The following ARHGEF40 variants were observed in gnomAD, a reference collection of about 807,000 sequenced individuals.
ARHGEF40 encodes Rho guanine nucleotide exchange factor (GEF) 40.
Under a neutral mutation model 165.9 loss-of-function variants are expected in ARHGEF40, and 98 were observed. The observed-to-expected ratio is 0.59, with a 90% CI of 0.50 to 0.70. The LOEUF is 0.70. Among genes scored for constraint, ARHGEF40 ranks in the 30% least tolerant of loss-of-function variants. ARHGEF40 has a pLI of 0.00. For synonymous variants in ARHGEF40, 792 were observed against 814.3 expected (o/e 0.97, Z 0.47); for missense variants, 1,815 against 1,968.0 (o/e 0.92, Z 1.47).
chr14:21,073,163 GGGA>G lies in ARHGEF40; in HGVS notation c.126_128del (p.Glu42del). On this transcript the variant is annotated inframe_deletion, in exon 2 of 24. Coordinates refer to ENST00000298694, the MANE Select transcript of ARHGEF40 (RefSeq NM_018071.5). The surrounding 1 kb of genome is among the most constrained non-coding windows in gnomAD (Gnocchi z 4.6). ...TTCCAGGTGGTGGAGAGGACTTATC[GGGA>G]GGACGCACTGAGGTACACGCTGGAC... is the stretch of plus-strand genomic sequence containing the variant. 1 of 1,614,064 alleles carries G rather than the reference GGGA, an allele frequency of 6.2e-7. No individual in the cohort carries two copies. Among genetic ancestry groups the G allele is most frequent in the Non-Finnish European group, 8.5e-7 (1 of 1,180,010 alleles).
rs754364408 is a variant in ARHGEF40, at chr14:21,083,865, C to A, written c.3604C>A (p.Arg1202=). 1 of 1,613,910 alleles carries A rather than the reference C, an allele frequency of 6.2e-7. No homozygotes were observed. The highest frequency in any genetic ancestry group is 8.5e-7 in the Non-Finnish European group (1 of 1,180,016). The change falls in exon 17 of 24, where the codon CGA becomes AGA. Residue 1202 remains arginine, a synonymous_variant. Coordinates refer to ENST00000298694, the MANE Select transcript of ARHGEF40 (RefSeq NM_018071.5). ...GSMEAGPYLP[R]ALQQPLEQLT... ...CATGGAGGCTGGCCCTTACCTGCCC[C>A]GAGCCCTGCAGCAGCCTCTGGAACA...
Position 21,087,007 on chromosome 14 carries a change from G to T in ARHGEF40, c.4145G>T (p.Arg1382Leu). The T allele has an allele frequency of 6.3e-7, 1 of 1,598,984 alleles. No homozygotes were observed. The highest frequency in any genetic ancestry group is 2.2e-5 in the East Asian group (1 of 44,522). ...AAGTGTCCCTATTCCCCAGAGCTCCGAGTGCAGCAGATGGTGTCCATGGGC... is the reference window on the plus strand; with the variant it reads ...AAGTGTCCCTATTCCCCAGAGCTCCTAGTGCAGCAGATGGTGTCCATGGGC... Reference protein sequence around the residue: ...WRQAAHNKELRVQQMVSMGIG... With the variant: ...WRQAAHNKELLVQQMVSMGIG... Residue 1382 changes from arginine to leucine, a missense_variant, in exon 20 of 24, where the codon CGA becomes CTA. Coordinates refer to ENST00000298694, the MANE Select transcript of ARHGEF40 (RefSeq NM_018071.5).
Position 21,085,792 on chromosome 14 carries a change from C to T in ARHGEF40, c.4064C>T (p.Thr1355Ile), listed in dbSNP as rs550734497. 8 of 1,614,194 alleles carry T rather than the reference C, an allele frequency of 5.0e-6. No homozygotes were observed. The Admixed American group carries it at 6.7e-5, about 13-fold the overall frequency. ...CGAGAGGCATACACTCTGCAGGCAACCTCACCAGAGATCAAACTCAAGTGG... is the reference window on the plus strand; with the variant it reads ...CGAGAGGCATACACTCTGCAGGCAATCTCACCAGAGATCAAACTCAAGTGG... ...RAREAYTLQA[T>I]SPEIKLKWTS... Residue 1355 changes from threonine (T) to isoleucine (I), a missense_variant, in exon 19 of 24, where the codon ACC becomes ATC. By Grantham distance (89) the Thr-to-Ile change is moderately conservative (BLOSUM62 -1). Coordinates refer to ENST00000298694, the MANE Select transcript of ARHGEF40 (RefSeq NM_018071.5).
In ARHGEF40 at chr14:21,070,383, C is replaced by T; in HGVS notation, c.-14C>T. 1.4e-6 allele frequency: 2 copies of T among 1,410,576 alleles called. No individual in the cohort carries two copies. Among genetic ancestry groups the T allele is most frequent in the South Asian group, 1.5e-5 (1 of 65,612 alleles). The allele number at this position is 1,410,576 out of a possible 1,614,324, so 87.4% of individuals were successfully genotyped here. On this transcript the variant is annotated 5_prime_UTR_variant, in exon 1 of 24. Coordinates refer to ENST00000298694, the MANE Select transcript of ARHGEF40 (RefSeq NM_018071.5). This position sits in a 1 kb window ranked among gnomAD's most constrained non-coding sequence, Gnocchi z 4.7. ...CCGCCCGACCAAGCGTCGGACGCGG[C>T]CCGGCGCCGAGCCATGGTGAGTCCA...
intron 21 of ARHGEF40, 118 bp downstream of exon 21, chr14:21,087,581 T>G (rs941127663): frequency 1.0e-5 from 14 of 1,403,034 alleles, no homozygotes; most frequent in Non-Finnish European, 1.2e-5. Flanking sequence ...ATGACAACTA[T>G]GTACAGCTTC....
upstream of ARHGEF40, among the ~76,000 whole-genome samples, chr14:21,068,266 TG>T (rs1255682821): frequency 3.2e-4 from 4 of 12,322 alleles, 2 homozygotes; most frequent in Admixed American, 0.01. Flanking sequence ...CCCAAAGTGC[TG>T]GGATTACAGG....
Position 21,085,756 on chromosome 14 carries a change from G to C in ARHGEF40, c.4028G>C (p.Arg1343Pro). The change falls in exon 19 of 24, where the codon CGG (arginine) becomes CCG (proline). Residue 1343 changes from arginine to proline, a missense_variant. Physicochemically the swap from Arg to Pro is moderately radical, Grantham distance 103. Transcript: ENST00000298694. Reference sequence around the variant, plus strand: ...CTCTGCTTTGAGTTGTGGTTTCGGCGGCGGCGTGCACGAGAGGCATACACT... The same window carrying C: ...CTCTGCTTTGAGTTGTGGTTTCGGCCGCGGCGTGCACGAGAGGCATACACT... The part of the protein sequence containing the change: ...SGLCFELWFR[R>P]RRAREAYTLQ... 1 of 1,614,186 alleles carries C rather than the reference G, an allele frequency of 6.2e-7. No homozygotes were observed. The highest frequency in any genetic ancestry group is 1.1e-5 in the South Asian group (1 of 91,086).
upstream of ARHGEF40, among the ~76,000 whole-genome samples, chr14:21,068,039 G>T (rs868629222): frequency 3.1e-4 from 3 of 9,624 alleles, no homozygotes; most frequent in African/African-American, 4.5e-4. Flanking sequence ...TCGCTCTGTC[G>T]CCCAGGCTGG....
chr14:21,069,061 G>A (rs1566515555), upstream of ARHGEF40, among the ~76,000 whole-genome samples: 1 of 152,204 alleles, frequency 6.6e-6, no homozygotes, highest in African/African-American at 2.4e-5. Context: ...CCCCTCCGGG[G>A]ACTATTCGGC....
chr14:21,063,931 C>T, the ARHGEF40 span, among the ~76,000 whole-genome samples: 2,985 of 152,302 alleles, frequency 0.02, 104 homozygotes, highest in African/African-American at 0.068. Context: ...AACTCCCTTA[C>T]ATAGAACCGA....
At position 21,089,328 on chromosome 14, in the gene ARHGEF40, C is replaced by T. The variant is rs144883695; in HGVS notation, c.*320C>T. On this transcript the variant is annotated 3_prime_UTR_variant, in exon 24 of 24. Transcript: ENST00000298694. ...GACATCACTCCCATGCCAGCCCTCC[C>T]TGGCAGCCCATGTTCTCCTCTTTTC... The T allele has an allele frequency of 5.2e-4, 81 of 156,718 alleles. 2 individuals are homozygous for T. In the East Asian group the frequency reaches 6.7e-3, roughly 13 times the overall value. 9.7% of individuals were successfully genotyped at this position (156,718 alleles called of 1,614,324 possible).
At chr14:21,068,892 A>G (rs1886444842), upstream of ARHGEF40, among the ~76,000 whole-genome samples, 1 of 152,256 alleles carries the variant, frequency 6.6e-6, no homozygotes, top group Non-Finnish European at 1.5e-5. Flanking sequence ...GTTAGCGTCC[A>G]GAGGAGGTGA....
chr14:21,063,640 T>G, the ARHGEF40 span, among the ~76,000 whole-genome samples: 1 of 152,186 alleles, frequency 6.6e-6, no homozygotes, highest in Non-Finnish European at 1.5e-5. Flanking sequence ...AATTCCTAGA[T>G]TGTCTGCTCC....
chr14:21,065,857 G>A (rs1886234728), upstream of ARHGEF40, among the ~76,000 whole-genome samples: 1 of 152,222 alleles, frequency 6.6e-6, no homozygotes, highest in Non-Finnish European at 1.5e-5. Context: ...CCAACACTTA[G>A]GGAGGCCAAG....
rs758092552 is a variant in ARHGEF40, at chr14:21,080,891, C to T, written c.2515C>T (p.Arg839Trp). The T allele has an allele frequency of 2.4e-5, 39 of 1,613,854 alleles. No individual in the cohort carries two copies. Among genetic ancestry groups the T allele is most frequent in the South Asian group, 8.8e-5 (8 of 91,072 alleles). ...TCTCCAGGAGCGCCTGGCCCAGGCA[C>T]GGGAGGCCCTGGCTCTGGAGGAGAA... ...AEVQERLAQA[R>W]EALALEENAT... is the part of the protein sequence containing the mutation. Residue 839 changes from arginine to tryptophan, a missense_variant, in exon 13 of 24, where the codon CGG becomes TGG. Coordinates refer to ENST00000298694, the MANE Select transcript of ARHGEF40 (RefSeq NM_018071.5).
chr14:21,070,433 C>A lies in ARHGEF40; in HGVS notation c.3+34C>A, dbSNP rs959041992. 3 of 1,395,336 alleles carry A rather than the reference C, an allele frequency of 2.2e-6. No individual in the cohort carries two copies. Among genetic ancestry groups the A allele is most frequent in the African/African-American group, 1.5e-5 (1 of 65,964 alleles). 86.4% of individuals were successfully genotyped at this position (1,395,336 alleles called of 1,614,324 possible). On this transcript the variant is annotated intron_variant, in intron 1 of 23. Coordinates refer to ENST00000298694, the MANE Select transcript of ARHGEF40 (RefSeq NM_018071.5). This position sits in a 1 kb window ranked among gnomAD's most constrained non-coding sequence, Gnocchi z 4.7. ...AGCGTCGCAGCCCCCTGGGTCCCCTCGGCCTTCGCGCAGCCCGCTCCGGGC... is the reference window on the plus strand; with the variant it reads ...AGCGTCGCAGCCCCCTGGGTCCCCTAGGCCTTCGCGCAGCCCGCTCCGGGC...
At position 21,079,123 on chromosome 14, in the gene ARHGEF40, C is replaced by G. The variant is rs558607962; in HGVS notation, c.2373+113C>G. 59 of 1,366,896 alleles carry G rather than the reference C, an allele frequency of 4.3e-5. No individual in the cohort carries two copies. In the East Asian group the frequency reaches 1.5e-3, roughly 35 times the overall value. 84.7% of individuals were successfully genotyped at this position (1,366,896 alleles called of 1,614,324 possible). On this transcript the variant is annotated intron_variant, in intron 11 of 23. Coordinates refer to ENST00000298694, the MANE Select transcript of ARHGEF40 (RefSeq NM_018071.5). ...TCTTCTAGCCTGGCTTGGTTGAACG[C>G]CCCTCCCTCCTCCTCACATTTGTTG...
chr14:21,081,356 T>G (rs1887876859), intron 13 of ARHGEF40, 153 bp from the exon 14 acceptor site: 1 of 1,115,652 alleles, frequency 9.0e-7, no homozygotes, highest in Non-Finnish European at 1.3e-6. Context: ...AGTGACATGG[T>G]TAGGCAGTGA....
chr14:21,087,557 G>C (rs1406724852), intron 21 of ARHGEF40, 94 bp downstream of exon 21: 1 of 1,530,198 alleles, frequency 6.5e-7, no homozygotes, highest in Non-Finnish European at 8.8e-7. Context: ...TTCTAGCCAA[G>C]AAGCCCAGTT....
Sources: allele counts gnomAD v4.1 joint callset (sites outside exome capture counted in the v4.1 genomes callset), GRCh38; gene constraint gnomAD v4.1.1; non-coding constraint Gnocchi (gnomAD v3.1); transcripts MANE v1.5; gene names NCBI Gene and HGNC (gene_info 2026-07-23, HGNC 2026-07-21).